The following SPTBN1 variants were observed in gnomAD, a reference collection of about 807,000 sequenced individuals.
SPTBN1 encodes the protein spectrin beta chain, non-erythrocytic 1.
A neutral mutation model predicts 266.4 loss-of-function variants in SPTBN1; 32 were observed. The observed-to-expected ratio is 0.12, with a 90% confidence interval of 0.09 to 0.16. The LOEUF is 0.16. SPTBN1 is among the 10% of genes least tolerant of loss of function. The pLI is 1.00. For missense variants in SPTBN1, 2,296 were observed against 3,067.1 expected (o/e 0.75, Z 5.94); for synonymous variants, 1,336 against 1,162.2 (o/e 1.15, Z -3.04).
chr2:54,502,996 G>C (rs144348483), intron 1 of SPTBN1, among the ~76,000 whole-genome samples: 6 of 152,308 alleles, frequency 3.9e-5, no homozygotes, highest in African/African-American at 1.4e-4. Context: ...GAGGAAAGGA[G>C]AACTACCTGT....
chr2:54,600,360 C>T (rs1676416754), intron 3 of SPTBN1, among the ~76,000 whole-genome samples: 1 of 152,210 alleles, frequency 6.6e-6, no homozygotes, highest in Non-Finnish European at 1.5e-5. Context: ...TGAGTTTCAT[C>T]CATGCCCTTT....
intron 18 of SPTBN1, among the ~76,000 whole-genome samples, chr2:54,642,777 A>G (rs1679662656): frequency 6.6e-6 from 1 of 152,198 alleles, no homozygotes; most frequent in Non-Finnish European, 1.5e-5. Flanking sequence ...AATGTTAGAT[A>G]TAGTTTGGAG....
rs1681543873 is a variant in SPTBN1 at position 54,668,622 on chromosome 2, C to G, written c.*53C>G. 6.6e-7 allele frequency: 1 copy of G among 1,512,224 alleles called. No individual in the cohort carries two copies. The highest frequency in any genetic ancestry group is 9.0e-7 in the Non-Finnish European group (1 of 1,110,768). 93.7% of individuals were successfully genotyped at this position (1,512,224 alleles called of 1,614,324 possible). A position where few individuals can be genotyped will look rare whatever the true frequency, so the allele number is the denominator to read the frequency against. On this transcript the variant is annotated 3_prime_UTR_variant, in exon 36 of 36. Coordinates refer to ENST00000356805, the MANE Select transcript of SPTBN1 (RefSeq NM_003128.3). ...TCTTACCTTTTCAGTGAAATTCCAG[C>G]ATGCAAGCTCAGAACCAACACATTA...
At chr2:54,643,990 A>G (rs1046670391) in intron 19 of SPTBN1, among the ~76,000 whole-genome samples, 2 of 151,184 alleles carry the variant, frequency 1.3e-5, no homozygotes. Context: ...AACAATAATA[A>G]TAATAATAAT....
At chr2:54,510,444 C>G (rs1427184851) in intron 1 of SPTBN1, among the ~76,000 whole-genome samples, 1 of 152,212 alleles carries the variant, frequency 6.6e-6, no homozygotes, top group Non-Finnish European at 1.5e-5. Flanking sequence ...AAAAATCCAG[C>G]TACTGCTGGT....
At chr2:54,574,935 C>G (rs907834815) in intron 2 of SPTBN1, among the ~76,000 whole-genome samples, 6 of 152,208 alleles carry the variant, frequency 3.9e-5, no homozygotes, top group African/African-American at 1.4e-4. Flanking sequence ...GGTATCATAA[C>G]TGCTTTGTGG....
chr2:54,496,433 G>A (rs548404527), intron 1 of SPTBN1, among the ~76,000 whole-genome samples: 7 of 108,188 alleles, frequency 6.5e-5, no homozygotes, highest in Admixed American at 2.0e-4. Context: ...GTGATACTCC[G>A]TGTCTTAAAA....
At chr2:54,607,671 TATATC>T (rs1237060728) in intron 3 of SPTBN1, among the ~76,000 whole-genome samples, 1 of 152,190 alleles carries the variant, frequency 6.6e-6, no homozygotes, top group Admixed American at 6.5e-5. Context: ...GTGCATAGGT[TATATC>T]AAATACTGTG....
rs749273411 is a variant in SPTBN1, at chr2:54,655,058, G to A, written c.5823-12G>A. The A allele has an allele frequency of 4.5e-5, 73 of 1,605,860 alleles. No homozygotes were observed. The highest frequency in any genetic ancestry group is 6.2e-5 in the Non-Finnish European group (73 of 1,174,656). ...TGATCTCCTAACGGAGGCATCGTTT[G>A]TCTAATTTTAGGGATGTATCATCTG... On this transcript the variant is annotated splice_polypyrimidine_tract_variant and intron_variant, in intron 27 of 35. Coordinates refer to ENST00000356805, the MANE Select transcript of SPTBN1 (RefSeq NM_003128.3).
intron 4 of SPTBN1, among the ~76,000 whole-genome samples, chr2:54,612,868 T>C (rs1677313917): frequency 6.6e-6 from 1 of 152,192 alleles, no homozygotes; most frequent in African/African-American, 2.4e-5. Flanking sequence ...AAAACTCTTG[T>C]GTTTCTTTGA....
At chr2:54,633,469 C>T (rs1390251719) in intron 17 of SPTBN1, among the ~76,000 whole-genome samples, 1 of 152,092 alleles carries the variant, frequency 6.6e-6, no homozygotes, top group Non-Finnish European at 1.5e-5. Context: ...TCCTCCCCGG[C>T]TGGAGGCCAG....
intron 17 of SPTBN1, among the ~76,000 whole-genome samples, chr2:54,636,895 C>G (rs754264716): frequency 2.3e-4 from 35 of 152,312 alleles, no homozygotes; most frequent in South Asian, 1.2e-3. Flanking sequence ...AAATGAAGCT[C>G]TCCGCTATTG....
intron 1 of SPTBN1, among the ~76,000 whole-genome samples, chr2:54,500,132 TGAAA>T (rs991153943): frequency 3.9e-5 from 6 of 152,376 alleles, no homozygotes; most frequent in African/African-American, 1.4e-4. Flanking sequence ...TTTCATTCTT[TGAAA>T]GAAAAATGGC....
chr2:54,589,783 C>T (rs1484614926), intron 2 of SPTBN1, among the ~76,000 whole-genome samples: 1 of 152,136 alleles, frequency 6.6e-6, no homozygotes, highest in Non-Finnish European at 1.5e-5. Context: ...TGCCTGTTTC[C>T]GGCTTCCTGC....
At chr2:54,648,770 C>T (rs1392861630) in intron 24 of SPTBN1, among the ~76,000 whole-genome samples, 2 of 152,172 alleles carry the variant, frequency 1.3e-5, no homozygotes, top group Non-Finnish European at 2.9e-5. Flanking sequence ...ATGTAGTTTA[C>T]ATATTGGCTC....
chr2:54,457,213 G>C (rs1383695416), intron 1 of SPTBN1: 1 of 128,832 alleles, frequency 7.8e-6, no homozygotes, highest in African/African-American at 2.9e-5. Context: ...AGCCGCCTCC[G>C]GGCGCCGAGC....
chr2:54,658,990 G>A (rs529029203), intron 30 of SPTBN1, among the ~76,000 whole-genome samples, 164 bp from the exon 31 acceptor site: 1 of 152,308 alleles, frequency 6.6e-6, no homozygotes, highest in East Asian at 1.9e-4. Context: ...TGTAGCTGCA[G>A]TTCCTGTGAA....
chr2:54,630,833 C>T (rs1339566985), intron 15 of SPTBN1, 22 bp from the exon 16 acceptor site: 8 of 1,539,276 alleles, frequency 5.2e-6, no homozygotes, highest in African/African-American at 2.7e-5. Flanking sequence ...TTCACACTCG[C>T]TGTCTGCCCC....
chr2:54,488,301 C>T (rs1668511771), intron 1 of SPTBN1, among the ~76,000 whole-genome samples: 2 of 152,042 alleles, frequency 1.3e-5, no homozygotes, highest in South Asian at 4.2e-4. Flanking sequence ...GATTTCCTTG[C>T]AATTAAAGGC....
Sources: gnomAD v4.1 joint callset for allele counts (sites outside exome capture counted in the v4.1 genomes callset) on GRCh38, gnomAD v4.1.1 for gene constraint, MANE v1.5 for transcripts, NCBI Gene and HGNC (gene_info 2026-07-23, HGNC 2026-07-21) for gene names.